The following ARHGAP10 variants were observed in gnomAD, a reference collection of about 807,000 sequenced individuals.
The protein encoded by ARHGAP10 is Rho GTPase activating protein 10, also known as rho GTPase-activating protein 10.
ARHGAP10 carries 87 observed loss-of-function variants against 108.6 expected under a neutral mutation model. That is an observed-to-expected ratio of 0.80 (90% CI 0.67 to 0.96). The LOEUF is 0.96. ARHGAP10 is among the 40% of genes least tolerant of loss of function. The pLI is 0.00. For synonymous variants in ARHGAP10, 347 were observed against 341.1 expected (o/e 1.02, Z -0.19); for missense variants, 939 against 954.5 (o/e 0.98, Z 0.21).
At chr4:147,910,500 G>A (rs1030644602) in intron 12 of ARHGAP10, among the ~76,000 whole-genome samples, 3 of 152,078 alleles carry the variant, frequency 2.0e-5, no homozygotes, top group African/African-American at 7.2e-5. Context: ...CTGTTTCCTA[G>A]CCTTGATATG....
At chr4:147,958,144 A>G (rs896973150) in intron 16 of ARHGAP10, among the ~76,000 whole-genome samples, 6 of 152,214 alleles carry the variant, frequency 3.9e-5, no homozygotes, top group South Asian at 2.1e-4. Flanking sequence ...TGGATGTCTT[A>G]CTGCGTGATG....
chr4:147,784,236 T>C (rs986666436), intron 1 of ARHGAP10, among the ~76,000 whole-genome samples: 2 of 111,170 alleles, frequency 1.8e-5, no homozygotes, highest in South Asian at 6.7e-4. Flanking sequence ...GTGTATTATA[T>C]AATTTACATA....
intron 12 of ARHGAP10, among the ~76,000 whole-genome samples, chr4:147,911,024 TCTTTCCCTTTC>T (rs1388800797): frequency 3.3e-5 from 5 of 152,170 alleles, no homozygotes; most frequent in African/African-American, 1.2e-4. Flanking sequence ...TCCTCCCTTT[TCTTTCCCTTTC>T]CTCATTCCCT....
At chr4:147,901,376 G>A (rs77113106) in intron 10 of ARHGAP10, among the ~76,000 whole-genome samples, 4,870 of 152,310 alleles carry the variant, frequency 0.032, 191 homozygotes, top group African/African-American at 0.094. Flanking sequence ...AAAGTAATGC[G>A]TTGCAAGTGT....
rs536442587 is a variant in ARHGAP10 at position 147,895,810 on chromosome 4, C to T, written c.1035-10828C>T. Among the ~76,000 whole-genome samples the T allele has an allele frequency of 4.6e-5, 7 of 152,222 alleles. No individual in the cohort carries two copies. The South Asian group carries it at 1.2e-3, about 27-fold the overall frequency. Reference sequence around the variant, plus strand: ...CGTTTGGCAGAAGTGGTGTTATTGGCCATCTTGCCTTGTTCCTGATCTTAG... The same window carrying T: ...CGTTTGGCAGAAGTGGTGTTATTGGTCATCTTGCCTTGTTCCTGATCTTAG... On this transcript the variant is annotated intron_variant, in intron 10 of 22. Coordinates refer to ENST00000336498, the MANE Select transcript of ARHGAP10 (RefSeq NM_024605.4).
intron 1 of ARHGAP10, among the ~76,000 whole-genome samples, chr4:147,783,775 A>G (rs999933583): frequency 7.0e-6 from 1 of 142,806 alleles, no homozygotes; most frequent in African/African-American, 2.5e-5. Flanking sequence ...TATTATATTT[A>G]TATAACACAC....
intron 18 of ARHGAP10, among the ~76,000 whole-genome samples, chr4:147,973,314 T>C (rs1458265943): frequency 6.6e-6 from 1 of 152,040 alleles, no homozygotes; most frequent in Admixed American, 6.6e-5. Flanking sequence ...AGGTAGGGAG[T>C]TCTTTAGAGG....
At chr4:147,903,645 A>G (rs1224638423) in intron 10 of ARHGAP10, among the ~76,000 whole-genome samples, 1 of 152,118 alleles carries the variant, frequency 6.6e-6, no homozygotes, top group African/African-American at 2.4e-5. Context: ...GCAACCAGTG[A>G]TCTTTTTACT....
At chr4:147,935,561 T>C (rs1434874608) in intron 13 of ARHGAP10, among the ~76,000 whole-genome samples, 1 of 152,222 alleles carries the variant, frequency 6.6e-6, no homozygotes, top group Non-Finnish European at 1.5e-5. Context: ...GAAATAGTGA[T>C]CCCTTTGGTT....
chr4:148,043,780 A>G (rs1245453705), intron 19 of ARHGAP10, among the ~76,000 whole-genome samples: 1 of 145,626 alleles, frequency 6.9e-6, no homozygotes, highest in African/African-American at 2.5e-5. Flanking sequence ...ATATATGTAT[A>G]TATATATGTA....
intron 1 of ARHGAP10, among the ~76,000 whole-genome samples, chr4:147,734,223 T>TG (rs1313534559): frequency 1.3e-5 from 2 of 152,126 alleles, no homozygotes; most frequent in African/African-American, 4.8e-5. Flanking sequence ...AAAGCCAGTT[T>TG]GGCCACTGGT....
chr4:148,017,682 A>ATATATATATATATG (rs1437383455), intron 18 of ARHGAP10, among the ~76,000 whole-genome samples: 36 of 135,258 alleles, frequency 2.7e-4, no homozygotes, highest in African/African-American at 5.2e-4. Context: ...ATATATATAT[A>ATATATATATATATG]TGTGTGTGTA....
intron 18 of ARHGAP10, among the ~76,000 whole-genome samples, chr4:147,971,426 C>T (rs1449391646): frequency 2.0e-5 from 3 of 152,038 alleles, no homozygotes; most frequent in Non-Finnish European, 4.4e-5. Context: ...AGAGAATAAG[C>T]GCTTTGAGAG....
intron 3 of ARHGAP10, among the ~76,000 whole-genome samples, chr4:147,842,077 GTGCCTGCCACCA>G (rs1733436350): frequency 6.6e-6 from 1 of 152,082 alleles, no homozygotes; most frequent in South Asian, 2.1e-4. Context: ...GGGATTACAG[GTGCCTGCCACCA>G]TGCCCGGCTA....
intron 10 of ARHGAP10, among the ~76,000 whole-genome samples, chr4:147,886,857 G>A (rs555088004): frequency 7.5e-4 from 114 of 152,212 alleles, no homozygotes; most frequent in African/African-American, 2.4e-3. Context: ...CGCAACCTCC[G>A]CCTCCTGGGT....
chr4:147,838,541 C>T (rs1234937018), intron 3 of ARHGAP10, among the ~76,000 whole-genome samples: 1 of 65,802 alleles, frequency 1.5e-5, no homozygotes, highest in African/African-American at 2.7e-5. Context: ...GATTTCTCTT[C>T]CTCCTCTTCT....
At chr4:147,784,969 ATATGT>A (rs1161085565) in intron 1 of ARHGAP10, among the ~76,000 whole-genome samples, 5 of 134,734 alleles carry the variant, frequency 3.7e-5, no homozygotes, top group African/African-American at 1.1e-4. Context: ...ATATTATGAA[ATATGT>A]TATATTTTAA....
At chr4:147,839,678 G>A (rs1043549642) in intron 3 of ARHGAP10, among the ~76,000 whole-genome samples, 1 of 152,174 alleles carries the variant, frequency 6.6e-6, no homozygotes, top group African/African-American at 2.4e-5. Flanking sequence ...TTTCCAGTGT[G>A]GGGGAATGTA....
chr4:147,927,455 A>G (rs1217157339), intron 13 of ARHGAP10, among the ~76,000 whole-genome samples: 2 of 152,336 alleles, frequency 1.3e-5, no homozygotes, highest in South Asian at 2.1e-4. Flanking sequence ...TGCATATGAC[A>G]ATATATTAAA....
Sources: allele counts gnomAD v4.1 joint callset (sites outside exome capture counted in the v4.1 genomes callset), GRCh38; gene constraint gnomAD v4.1.1; transcripts MANE v1.5; gene names NCBI Gene and HGNC (gene_info 2026-07-23, HGNC 2026-07-21).